AFDN: variants seen among roughly 807,000 people sequenced by gnomAD.
The protein encoded by AFDN is afadin.
A neutral mutation model predicts 216.6 loss-of-function variants in AFDN; 68 were observed. The ratio of observed to expected loss-of-function variants is 0.31; its 90% CI spans 0.26 to 0.38. The LOEUF (loss-of-function observed/expected upper bound fraction) is 0.38. Ranked by LOEUF, AFDN falls within the 10% of genes least tolerant of loss-of-function variation. AFDN has a pLI of 1.00. For synonymous variants in AFDN, 868 were observed against 853.7 expected, an observed-to-expected ratio of 1.02 and a Z score of -0.29; for missense variants, 2,136 against 2,342.0, an observed-to-expected ratio of 0.91 and a Z score of 1.82.
At chr6:167,902,184 G>T (rs1261505183) in intron 11 of AFDN, 133 bp from the exon 12 acceptor site, 2 of 598,188 alleles carry the variant, frequency 3.3e-6, no homozygotes, top group South Asian at 2.2e-5. Context: ...GTAAGTTCGT[G>T]TGCTGAAAAC....
At chr6:167,961,777 T>G (rs1797061942) in intron 30 of AFDN, among the ~76,000 whole-genome samples, 1 of 152,150 alleles carries the variant, frequency 6.6e-6, no homozygotes, top group African/African-American at 2.4e-5. Flanking sequence ...CCTTCCCATC[T>G]CAGGTTCAGA....
At chr6:167,849,218 GT>G (rs1257472241) in intron 1 of AFDN, among the ~76,000 whole-genome samples, 2 of 152,130 alleles carry the variant, frequency 1.3e-5, no homozygotes, top group East Asian at 1.9e-4. Flanking sequence ...CATTTATACT[GT>G]TGTTATTTGT....
chr6:167,870,198 A>G (rs939099537), intron 2 of AFDN, among the ~76,000 whole-genome samples, 188 bp from the exon 3 acceptor site: 1 of 152,248 alleles, frequency 6.6e-6, no homozygotes, highest in Non-Finnish European at 1.5e-5. Flanking sequence ...ATATGTGGTA[A>G]TAAACATACA....
intron 32 of AFDN, chr6:167,966,418 G>C: frequency 1.6e-6 from 1 of 617,176 alleles, no homozygotes; most frequent in Non-Finnish European, 2.4e-6. Context: ...TCTCGGCATG[G>C]TGATCCTCCT....
intron 21 of AFDN, among the ~76,000 whole-genome samples, chr6:167,921,033 C>G (rs2128494085): frequency 6.6e-6 from 1 of 152,340 alleles, no homozygotes; most frequent in Non-Finnish European, 1.5e-5. Context: ...TGGGCTTGAC[C>G]AGCTGCACTT....
At chr6:167,861,954 A>C (rs1188484637) in intron 1 of AFDN, among the ~76,000 whole-genome samples, 1 of 152,174 alleles carries the variant, frequency 6.6e-6, no homozygotes, top group African/African-American at 2.4e-5. Context: ...TATAAGGGTG[A>C]GCCTTTGGAG....
In AFDN at chr6:167,827,194, A is replaced by C. The variant is rs1481160807; in HGVS notation, c.62A>C (p.Asn21Thr). The stretch of plus-strand genomic sequence containing the variant: ...CTGGCCGACATCATCCACCACTGGA[A>C]CGCCAACCGGCTGGACCTGTTCGAG... ...RKLADIIHHWNANRLDLFEIS... is the reference protein window; with the variant it reads ...RKLADIIHHWTANRLDLFEIS... The change falls in exon 1 of 34, where the codon AAC (asparagine) becomes ACC (threonine). Residue 21 changes from asparagine to threonine, a missense_variant. By Grantham distance (65) the Asn-to-Thr change is moderately conservative (BLOSUM62 0). This residue lies in a region of AFDN where 81 missense variants were observed against 51.2 expected (regional missense o/e 1.58). Transcript: ENST00000683244. The C allele has an allele frequency of 1.5e-6, 2 of 1,298,530 alleles. No homozygotes were observed. Among genetic ancestry groups the C allele is most frequent in the Non-Finnish European group, 2.0e-6 (2 of 993,368 alleles). 80.4% of individuals were successfully genotyped at this position (1,298,530 alleles called of 1,614,324 possible).
rs373772546 is a variant in AFDN, at chr6:167,942,567, CAG to C, written c.3100-560_3100-559del. 3.9e-3 allele frequency among the ~76,000 whole-genome samples: 599 copies of C among 152,240 alleles called. 4 individuals are homozygous for C. The highest frequency in any genetic ancestry group is 0.014 in the African/African-American group (577 of 41,552). ...ATATATAGAACTTAAGTCTATGTAA[CAG>C]AATTTTATTCTTTCATAATATATCA... is the stretch of plus-strand genomic sequence containing the variant. On this transcript the variant is annotated intron_variant, in intron 23 of 33. Coordinates refer to ENST00000683244, the MANE Select transcript of AFDN (RefSeq NM_001386888.1).
intron 23 of AFDN, among the ~76,000 whole-genome samples, chr6:167,933,066 T>A (rs990437340): frequency 1.5e-4 from 23 of 152,218 alleles, no homozygotes; most frequent in African/African-American, 5.3e-4. Context: ...TAACTGCCGC[T>A]ATGTAACTTG....
intron 2 of AFDN, among the ~76,000 whole-genome samples, chr6:167,867,733 A>G (rs1784349172): frequency 6.6e-6 from 1 of 152,100 alleles, no homozygotes; most frequent in Non-Finnish European, 1.5e-5. Context: ...GCCCGGTTAC[A>G]TGATAATTCT....
chr6:167,901,392 G>A (rs1384788564), intron 11 of AFDN, among the ~76,000 whole-genome samples: 3 of 151,988 alleles, frequency 2.0e-5, no homozygotes, highest in East Asian at 3.9e-4. Context: ...GAATGTAGTC[G>A]GTCCCAGCTT....
At chr6:167,872,883 A>G (rs1784937126) in intron 4 of AFDN, among the ~76,000 whole-genome samples, 1 of 152,152 alleles carries the variant, frequency 6.6e-6, no homozygotes. Context: ...ATGGTTACCT[A>G]TTTTAAGTGT....
chr6:167,961,114 CA>C (rs1457931339), intron 30 of AFDN, among the ~76,000 whole-genome samples: 8 of 151,354 alleles, frequency 5.3e-5, no homozygotes, highest in Middle Eastern at 3.4e-3. Flanking sequence ...CAGCACTTAA[CA>C]TTGTTATATT....
chr6:167,958,381 G>A (rs970378984), intron 30 of AFDN, among the ~76,000 whole-genome samples: 1 of 152,166 alleles, frequency 6.6e-6, no homozygotes, highest in African/African-American at 2.4e-5. Flanking sequence ...AGGTTTTAAC[G>A]AGAGTTTTCT....
intron 29 of AFDN, among the ~76,000 whole-genome samples, chr6:167,950,948 CA>C (rs1795907914): frequency 1.3e-5 from 2 of 151,616 alleles, no homozygotes; most frequent in Non-Finnish European, 2.9e-5. Context: ...CCACCCACCT[CA>C]GCCTCCCAAA....
chr6:167,912,686 G>A (rs16886293), intron 15 of AFDN, among the ~76,000 whole-genome samples: 41,592 of 152,068 alleles, frequency 0.27, 6,641 homozygotes, highest in East Asian at 0.46. Flanking sequence ...CCTGTTTCGA[G>A]TTGTGAGACA....
At chr6:167,919,561 C>T (rs572712326) in intron 21 of AFDN, among the ~76,000 whole-genome samples, 5 of 152,388 alleles carry the variant, frequency 3.3e-5, no homozygotes, top group African/African-American at 1.2e-4. Context: ...CACTGCCAAG[C>T]TGGCTTGCGC....
At position 167,951,569 on chromosome 6, in the gene AFDN, G is replaced by T. The variant is rs773812168; in HGVS notation, c.4215G>T (p.Gly1405=). The T allele has an allele frequency of 6.2e-7, 1 of 1,614,004 alleles. No homozygotes were observed. The highest frequency in any genetic ancestry group is 8.5e-7 in the Non-Finnish European group (1 of 1,179,986). ...LPPPPSANQI[G]LPSAQVAAAE... is the part of the protein sequence containing the mutation. ...CACCCCCTTCCGCCAACCAGATAGG[G>T]CTGCCGTCTGCGCAGGTGGCTGCTG... The change falls in exon 30 of 34, where the codon GGG becomes GGT. Residue 1405 remains glycine (G), a synonymous_variant. Transcript: ENST00000683244. This position sits in a 1 kb window ranked among gnomAD's most constrained non-coding sequence, Gnocchi z 7.1.
chr6:167,878,982 A>G (rs908088033), intron 5 of AFDN, among the ~76,000 whole-genome samples: 12 of 152,050 alleles, frequency 7.9e-5, no homozygotes, highest in African/African-American at 2.9e-4. Context: ...TCACAACCTT[A>G]TATTTTTCAC....
Sources: gnomAD v4.1 joint callset for allele counts (sites outside exome capture counted in the v4.1 genomes callset) on GRCh38, gnomAD v4.1.1 for gene constraint, gnomAD v4.1.1 regional missense constraint, Gnocchi (gnomAD v3.1) non-coding constraint, MANE v1.5 for transcripts, NCBI Gene and HGNC (gene_info 2026-07-23, HGNC 2026-07-21) for gene names.